MAP3K4: variants seen among roughly 807,000 people sequenced by gnomAD.
MAP3K4 encodes MAP three kinase 1.
MAP3K4 carries 67 observed loss-of-function variants against 185.6 expected under a neutral mutation model. The ratio of observed to expected loss-of-function variants is 0.36; its 90% CI spans 0.30 to 0.44. The LOEUF is 0.44. Ranked by LOEUF, MAP3K4 falls within the 20% of genes least tolerant of loss-of-function variation. MAP3K4 has a pLI of 1.00. For synonymous variants in MAP3K4, 702 were observed against 710.4 expected (o/e 0.99, Z 0.19); for missense variants, 1,551 against 1,995.1 (o/e 0.78, Z 4.24).
At chr6:161,044,458 G>A (rs1191116335) in intron 2 of MAP3K4, among the ~76,000 whole-genome samples, 1 of 152,198 alleles carries the variant, frequency 6.6e-6, no homozygotes, top group Non-Finnish European at 1.5e-5. Flanking sequence ...CCTTAGTCAT[G>A]TCAGAGTGGG....
At chr6:161,012,433 T>G (rs1369304186) in intron 1 of MAP3K4, among the ~76,000 whole-genome samples, 1 of 152,212 alleles carries the variant, frequency 6.6e-6, no homozygotes, top group East Asian at 1.9e-4. Context: ...TCAGAGAATT[T>G]ATAAGCTAGT....
In MAP3K4 at chr6:160,998,281, A is replaced by G. The variant is rs115151856; in HGVS notation, c.152+6198A>G. Among the ~76,000 whole-genome samples the G allele has an allele frequency of 5.4e-3, 825 of 152,304 alleles. 10 individuals carry two copies. The highest frequency in any genetic ancestry group is 0.019 in the African/African-American group (789 of 41,578). On this transcript the variant is annotated intron_variant, in intron 1 of 26. Coordinates refer to ENST00000392142, the MANE Select transcript of MAP3K4 (RefSeq NM_005922.4). Reference sequence around the variant, plus strand: ...TTTGAGTTAAACTTCTTAAAACCCTAATACTCAGTGTGATCGCATTTTAAA... The same window carrying G: ...TTTGAGTTAAACTTCTTAAAACCCTGATACTCAGTGTGATCGCATTTTAAA...
intron 2 of MAP3K4, among the ~76,000 whole-genome samples, chr6:161,039,106 G>C (rs1783316724): frequency 6.6e-6 from 1 of 152,010 alleles, no homozygotes; most frequent in African/African-American, 2.4e-5. Flanking sequence ...GTTCCATGAG[G>C]CTGGCCCAAA....
At chr6:161,018,872 C>G (rs1281655037) in intron 1 of MAP3K4, among the ~76,000 whole-genome samples, 1 of 152,164 alleles carries the variant, frequency 6.6e-6, no homozygotes, top group African/African-American at 2.4e-5. Context: ...CCAAATGGAA[C>G]TTCTGAAAAT....
chr6:161,041,422 A>G (rs888767384), intron 2 of MAP3K4, among the ~76,000 whole-genome samples: 1 of 152,170 alleles, frequency 6.6e-6, no homozygotes. Context: ...CTCAGCCCAC[A>G]GGCATCTGTG....
chr6:161,068,733 G>T (rs1189363969), intron 3 of MAP3K4, among the ~76,000 whole-genome samples: 1 of 152,228 alleles, frequency 6.6e-6, no homozygotes, highest in African/African-American at 2.4e-5. Context: ...GATAAAGCAT[G>T]TTAAACGTCT....
At chr6:161,104,926 A>G (rs978595912) in intron 19 of MAP3K4, among the ~76,000 whole-genome samples, 2 of 152,208 alleles carry the variant, frequency 1.3e-5, no homozygotes, top group Non-Finnish European at 2.9e-5. Flanking sequence ...TAAATCTTTT[A>G]GAATTTCTCT....
intron 2 of MAP3K4, among the ~76,000 whole-genome samples, chr6:161,035,054 C>G (rs909004540): frequency 6.6e-6 from 1 of 152,056 alleles, no homozygotes; most frequent in African/African-American, 2.4e-5. Context: ...TTTCTTTCCC[C>G]CCAACCTCCT....
Position 161,054,382 on chromosome 6 carries a change from T to G in MAP3K4, c.1707+4403T>G, listed in dbSNP as rs1034478471. ...GTTGGTCAGGCTGGTCTCAAACTCC[T>G]GACCTCACATGATCCACCCGCCTTG... is the stretch of plus-strand genomic sequence containing the variant. On this transcript the variant is annotated intron_variant, in intron 3 of 26. Transcript: ENST00000392142. The surrounding 1 kb of genome is among the most constrained non-coding windows in gnomAD (Gnocchi z 4.2). 1.2e-4 allele frequency among the ~76,000 whole-genome samples: 18 copies of G among 152,192 alleles called. No individual in the cohort carries two copies. Among genetic ancestry groups the G allele is most frequent in the African/African-American group, 3.9e-4 (16 of 41,450 alleles).
chr6:161,096,843 TA>T lies in MAP3K4; in HGVS notation c.3428-232del, dbSNP rs1463991432. ...TATGTATGTTTTACTCCAGGATTTT[TA>T]AAAATGTTTTTTGATGGAGAAAACT... On this transcript the variant is annotated intron_variant, in intron 15 of 26. Transcript: ENST00000392142. The surrounding 1 kb of genome is among the most constrained non-coding windows in gnomAD (Gnocchi z 4.9). The T allele has an allele frequency of 4.8e-6, 2 of 417,000 alleles. No homozygotes were observed. The highest frequency in any genetic ancestry group is 7.3e-5 in the East Asian group (2 of 27,544). 25.8% of individuals were successfully genotyped at this position (417,000 alleles called of 1,614,324 possible).
chr6:161,028,861 C>G (rs1279430611), intron 1 of MAP3K4, among the ~76,000 whole-genome samples: 1 of 152,140 alleles, frequency 6.6e-6, no homozygotes, highest in African/African-American at 2.4e-5. Context: ...AAATGTTCAG[C>G]TGTAGATTGA....
chr6:161,111,136 G>C (rs895889505), intron 23 of MAP3K4, among the ~76,000 whole-genome samples: 1 of 152,182 alleles, frequency 6.6e-6, no homozygotes, highest in African/African-American at 2.4e-5. Flanking sequence ...ATTCGCTGTT[G>C]ACCTCAGCTC....
intron 5 of MAP3K4, among the ~76,000 whole-genome samples, chr6:161,079,107 A>C (rs1330285953): frequency 6.6e-6 from 1 of 150,548 alleles, no homozygotes; most frequent in Non-Finnish European, 1.5e-5. Context: ...CCAGCTACTT[A>C]GGAGGCTGAG....
chr6:161,052,943 G>T (rs1784071649), intron 3 of MAP3K4, among the ~76,000 whole-genome samples: 1 of 152,156 alleles, frequency 6.6e-6, no homozygotes, highest in Non-Finnish European at 1.5e-5. Context: ...TATAGAGTGG[G>T]TATAATACTA....
rs569800059 is a variant in MAP3K4, at chr6:161,107,078, A to G, written c.4048+373A>G. Among the ~76,000 whole-genome samples the G allele has an allele frequency of 4.0e-5, 6 of 150,746 alleles. No individual in the cohort carries two copies. The highest frequency in any genetic ancestry group is 1.5e-4 in the African/African-American group (6 of 40,374). ...CACACACACACACACACACACACAC[A>G]CGCAGAACGTGATTTGAAGAGAGAC... On this transcript the variant is annotated intron_variant, in intron 20 of 26. Transcript: ENST00000392142. The surrounding 1 kb of genome is among the most constrained non-coding windows in gnomAD (Gnocchi z 6.2).
rs1300657349 is a variant in MAP3K4, at chr6:161,051,812, T to C, written c.1707+1833T>C. 6.6e-6 allele frequency among the ~76,000 whole-genome samples: 1 copy of C among 152,218 alleles called. No homozygotes were observed. Among genetic ancestry groups the C allele is most frequent in the African/African-American group, 2.4e-5 (1 of 41,448 alleles). On this transcript the variant is annotated intron_variant, in intron 3 of 26. Transcript: ENST00000392142. The surrounding 1 kb of genome is among the most constrained non-coding windows in gnomAD (Gnocchi z 4.2). ...ATAATACCTAATACAATGTAAATGC[T>C]GTGTAAATAGTTGTTATACTGTATC...
At chr6:161,079,216 G>GGA (rs1413977475) in intron 5 of MAP3K4, among the ~76,000 whole-genome samples, 59 of 115,992 alleles carry the variant, frequency 5.1e-4, no homozygotes, top group Non-Finnish European at 2.7e-4. Flanking sequence ...CCTGTCTCAA[G>GGA]AAAAAAAAAA....
intron 6 of MAP3K4, among the ~76,000 whole-genome samples, chr6:161,083,267 A>G (rs990147052): frequency 2.0e-5 from 3 of 152,050 alleles, no homozygotes; most frequent in South Asian, 2.1e-4. Flanking sequence ...CCTTTTCTCC[A>G]TAGCACTTAC....
In MAP3K4 at chr6:161,076,061, G is replaced by A. The variant is rs1785162684; in HGVS notation, c.2097+2449G>A. On this transcript the variant is annotated intron_variant, in intron 5 of 26. Transcript: ENST00000392142. The surrounding 1 kb of genome is among the most constrained non-coding windows in gnomAD (Gnocchi z 4.2). Reference sequence around the variant, plus strand: ...CCTTCTTCAGAGAAGGAGGAAATTGGCCACAATATCCTTTCCCATACCCTT... The same window carrying A: ...CCTTCTTCAGAGAAGGAGGAAATTGACCACAATATCCTTTCCCATACCCTT... 6.6e-6 allele frequency among the ~76,000 whole-genome samples: 1 copy of A among 152,046 alleles called. No homozygotes were observed. Among genetic ancestry groups the A allele is most frequent in the African/African-American group, 2.4e-5 (1 of 41,384 alleles).
Sources: allele counts gnomAD v4.1 joint callset (sites outside exome capture counted in the v4.1 genomes callset), GRCh38; gene constraint gnomAD v4.1.1; non-coding constraint Gnocchi (gnomAD v3.1); transcripts MANE v1.5; gene names NCBI Gene and HGNC (gene_info 2026-07-23, HGNC 2026-07-21).